The following XRCC4 variants were observed in gnomAD, a reference collection of about 807,000 sequenced individuals.
XRCC4 encodes X-ray repair cross complementing 4, also known as DNA repair protein XRCC4.
In XRCC4, 28 loss-of-function variants were observed where a neutral mutation model predicts 39.1. The ratio of observed to expected loss-of-function variants is 0.72; its 90% CI spans 0.53 to 0.98. The LOEUF (loss-of-function observed/expected upper bound fraction) is 0.98. Among genes scored for constraint, XRCC4 ranks in the 50% least tolerant of loss-of-function variants. The pLI is 0.00. For missense variants in XRCC4, 350 were observed against 376.4 expected, an observed-to-expected ratio of 0.93 and a Z score of 0.58; for synonymous variants, 123 against 126.4, an observed-to-expected ratio of 0.97 and a Z score of 0.18.
intron 3 of XRCC4, among the ~76,000 whole-genome samples, chr5:83,113,689 C>T (rs1490672008): frequency 6.6e-6 from 1 of 151,832 alleles, no homozygotes; most frequent in Non-Finnish European, 1.5e-5. Context: ...GGCGTGATCT[C>T]CATCTCCACT....
intron 7 of XRCC4, among the ~76,000 whole-genome samples, chr5:83,311,352 G>A (rs923548350): frequency 9.9e-5 from 15 of 152,166 alleles, no homozygotes; most frequent in Middle Eastern, 3.4e-3. Context: ...AGCTAGAAGA[G>A]AATTAATTTG....
At chr5:83,113,817 G>A (rs181492372) in intron 3 of XRCC4, among the ~76,000 whole-genome samples, 1,841 of 152,132 alleles carry the variant, frequency 0.012, 32 homozygotes, top group African/African-American at 0.042. Flanking sequence ...TAGTAGAGAC[G>A]GGGTTTCACC....
chr5:83,211,673 T>C (rs1387800057), intron 6 of XRCC4, among the ~76,000 whole-genome samples: 1 of 152,230 alleles, frequency 6.6e-6, no homozygotes, highest in Non-Finnish European at 1.5e-5. Context: ...TGTTTGTGCA[T>C]TATTTCTATC....
At chr5:83,177,826 A>G (rs10040363) in intron 3 of XRCC4, among the ~76,000 whole-genome samples, 74,514 of 151,960 alleles carry the variant, frequency 0.49, 19,220 homozygotes, top group African/African-American at 0.63. Flanking sequence ...CTTGTGGGCC[A>G]GGAAGGCTTT....
At chr5:83,277,145 G>A (rs1460942851) in intron 7 of XRCC4, among the ~76,000 whole-genome samples, 1 of 152,170 alleles carries the variant, frequency 6.6e-6, no homozygotes, top group Non-Finnish European at 1.5e-5. Flanking sequence ...AGTTTAGTCA[G>A]GCAGAGAAAA....
At position 83,165,402 on chromosome 5, in the gene XRCC4, C is replaced by G. The variant is rs140698244; in HGVS notation, c.316-30368C>G. On this transcript the variant is annotated intron_variant, in intron 3 of 7. Transcript: ENST00000396027. ...GAGAATTTTATATCTGACTGGAATA[C>G]CAGAATAGTGGTAATATTGCTTGTT... Among the ~76,000 whole-genome samples the G allele has an allele frequency of 3.2e-3, 490 of 152,128 alleles. 2 individuals carry two copies. Among genetic ancestry groups the G allele is most frequent in the African/African-American group, 0.011 (467 of 41,488 alleles).
intron 3 of XRCC4, among the ~76,000 whole-genome samples, chr5:83,164,623 G>A (rs1232593463): frequency 1.3e-5 from 2 of 152,054 alleles, no homozygotes; most frequent in African/African-American, 4.8e-5. Flanking sequence ...TGATATGTTA[G>A]TAGCTTGATT....
chr5:83,339,647 G>A (rs1009590866), intron 7 of XRCC4, among the ~76,000 whole-genome samples: 23 of 151,990 alleles, frequency 1.5e-4, no homozygotes, highest in African/African-American at 5.6e-4. Flanking sequence ...AATTCAAGCT[G>A]TAGAATTATC....
At chr5:83,161,165 C>T (rs184253040) in intron 3 of XRCC4, among the ~76,000 whole-genome samples, 483 of 149,914 alleles carry the variant, frequency 3.2e-3, no homozygotes, top group African/African-American at 0.011. Flanking sequence ...GGCTGGAGTG[C>T]AGTGGTGTGA....
At chr5:83,365,270 A>G in the XRCC4 span, among the ~76,000 whole-genome samples, 510 of 152,272 alleles carry the variant, frequency 3.3e-3, 16 homozygotes, top group East Asian at 0.076. Context: ...CTCTCTGGGT[A>G]ACTTCTGGAG....
At chr5:83,278,113 T>C (rs904304045) in intron 7 of XRCC4, among the ~76,000 whole-genome samples, 9 of 152,172 alleles carry the variant, frequency 5.9e-5, no homozygotes, top group African/African-American at 1.9e-4. Flanking sequence ...TCCAGGAGGT[T>C]AGGAGAGAAA....
At chr5:83,329,116 C>T (rs1337516022) in intron 7 of XRCC4, among the ~76,000 whole-genome samples, 3 of 151,916 alleles carry the variant, frequency 2.0e-5, no homozygotes, top group Non-Finnish European at 4.4e-5. Flanking sequence ...TTGATCCCCT[C>T]CTCACACCTA....
chr5:83,196,792 C>T (rs1750969130), intron 4 of XRCC4, among the ~76,000 whole-genome samples: 1 of 151,574 alleles, frequency 6.6e-6, no homozygotes. Flanking sequence ...GCTTAAATAA[C>T]TCTAAAGCAT....
intron 3 of XRCC4, among the ~76,000 whole-genome samples, chr5:83,156,911 G>A (rs1351898688): frequency 1.3e-5 from 2 of 152,104 alleles, no homozygotes; most frequent in Middle Eastern, 3.4e-3. Context: ...AAATGTGGAC[G>A]TATAAAACAG....
chr5:83,341,435 C>T (rs937863565), intron 7 of XRCC4, among the ~76,000 whole-genome samples: 2 of 152,090 alleles, frequency 1.3e-5, no homozygotes, highest in Middle Eastern at 3.2e-3. Context: ...TCCTAATTAA[C>T]AGGTTTCCCA....
intron 6 of XRCC4, among the ~76,000 whole-genome samples, chr5:83,232,629 GT>G (rs1352409249): frequency 6.6e-6 from 1 of 151,958 alleles, no homozygotes; most frequent in Non-Finnish European, 1.5e-5. Context: ...GTGAAATTTT[GT>G]CCAAATTCTT....
intron 3 of XRCC4, among the ~76,000 whole-genome samples, chr5:83,187,910 G>A (rs2112673144): frequency 6.6e-6 from 1 of 152,178 alleles, no homozygotes; most frequent in East Asian, 1.9e-4. Context: ...GTATTGAACA[G>A]GACAGACAAT....
chr5:83,137,389 C>A (rs62374373), intron 3 of XRCC4, among the ~76,000 whole-genome samples: 73,591 of 151,902 alleles, frequency 0.48, 18,778 homozygotes, highest in African/African-American at 0.63. Context: ...CCCTCCAAAA[C>A]TACTGAATTT....
intron 3 of XRCC4, among the ~76,000 whole-genome samples, chr5:83,132,636 T>G (rs1747657754): frequency 6.6e-6 from 1 of 152,160 alleles, no homozygotes. Context: ...CCATTTGATC[T>G]TCAATCACTG....
Sources: allele counts gnomAD v4.1 joint callset (sites outside exome capture counted in the v4.1 genomes callset), GRCh38; gene constraint gnomAD v4.1.1; transcripts MANE v1.5; gene names NCBI Gene and HGNC (gene_info 2026-07-23, HGNC 2026-07-21).